KICS2: variants seen among roughly 807,000 people sequenced by gnomAD.
The protein encoded by KICS2 is KICSTOR subunit 2.
A neutral mutation model predicts 31.4 loss-of-function variants in KICS2; 13 were observed. The observed-to-expected ratio is 0.41, with a 90% CI of 0.27 to 0.66. The LOEUF is 0.66. Ranked by LOEUF, KICS2 falls within the 30% of genes least tolerant of loss-of-function variation. The probability of loss-of-function intolerance (pLI) is 0.28; values close to 1 mark genes in which losing one functional copy is unlikely to be tolerated. For missense variants in KICS2, 455 were observed against 545.4 expected (o/e 0.83, Z 1.65); for synonymous variants, 209 against 214.8 (o/e 0.97, Z 0.24).
rs1483984873 is a variant in KICS2, at chr12:64,222,080, G to T, written c.158C>A (p.Ser53Ter). The change falls in exon 1 of 3, where the codon TCG (serine) becomes TAG (stop). Residue 53 changes from serine to a stop codon, truncating the protein, a stop_gained. Transcript: ENST00000398055. LOFTEE classifies it high-confidence loss of function. ...ANKSAGGSWL[S>*]LLAALAHLAA... The stretch of plus-strand genomic sequence containing the variant: ...CAGGTGCGCCAAGGCCGCCAGCAGC[G>T]ACAGCCAGCTGCCCCCCGCGCTCTT... 6.2e-7 allele frequency: 1 copy of T among 1,613,964 alleles called. No homozygotes were observed. The highest frequency in any genetic ancestry group is 8.5e-7 in the Non-Finnish European group (1 of 1,179,942).
At position 64,193,822 on chromosome 12, in the gene KICS2, C is replaced by A; in HGVS notation, c.*20G>T. The A allele has an allele frequency of 4.4e-6, 7 of 1,596,260 alleles. No homozygotes were observed. The highest frequency in any genetic ancestry group is 6.0e-6 in the Non-Finnish European group (7 of 1,171,556). ...TAAGAACAGTTTCTAGTCTTGAAACCCCTCCACGCAAATCACCTGCTAACC... is the reference window on the plus strand; with the variant it reads ...TAAGAACAGTTTCTAGTCTTGAAACACCTCCACGCAAATCACCTGCTAACC... On this transcript the variant is annotated 3_prime_UTR_variant, in exon 3 of 3. Transcript: ENST00000398055.
Position 64,204,099 on chromosome 12 carries a change from C to T in KICS2, c.522-9441G>A, listed in dbSNP as rs552957540. 8.5e-5 allele frequency among the ~76,000 whole-genome samples: 13 copies of T among 152,328 alleles called. No homozygotes were observed. In the South Asian group the frequency reaches 2.7e-3, roughly 32 times the overall value. Reference sequence around the variant, plus strand: ...TAAGCCATTATCCTCAGCAAACTAACGTAGGAACAGAAAACTAAACACTGC... The same window carrying T: ...TAAGCCATTATCCTCAGCAAACTAATGTAGGAACAGAAAACTAAACACTGC... On this transcript the variant is annotated intron_variant, in intron 2 of 2. Coordinates refer to ENST00000398055, the MANE Select transcript of KICS2 (RefSeq NM_152440.5).
At position 64,221,815 on chromosome 12, in the gene KICS2, C is replaced by T. The variant is rs2037686165; in HGVS notation, c.235+188G>A. 5.8e-6 allele frequency: 4 copies of T among 684,982 alleles called. No individual in the cohort carries two copies. The East Asian group carries it at 8.2e-5, about 14-fold the overall frequency. The allele number at this position is 684,982 out of a possible 1,614,324, so 42.4% of individuals were successfully genotyped here. On this transcript the variant is annotated intron_variant, in intron 1 of 2. Coordinates refer to ENST00000398055, the MANE Select transcript of KICS2 (RefSeq NM_152440.5). Reference sequence around the variant, plus strand: ...ACCCAGTTCGCCAATCTATCAGCAGCGCAGGCCGGTGGGCGGGGCTTGTGG... The same window carrying T: ...ACCCAGTTCGCCAATCTATCAGCAGTGCAGGCCGGTGGGCGGGGCTTGTGG...
intron 1 of KICS2, among the ~76,000 whole-genome samples, chr12:64,216,813 T>C (rs745639104): frequency 2.0e-5 from 3 of 152,118 alleles, no homozygotes; most frequent in African/African-American, 4.8e-5. Flanking sequence ...TATTTCTAAT[T>C]ATGGAGCCAG....
intron 1 of KICS2, 170 bp from the exon 2 acceptor site, chr12:64,216,133 A>AATACTTTATGATTATC (rs1329456342): frequency 2.3e-5 from 4 of 175,946 alleles, no homozygotes; most frequent in African/African-American, 1.0e-4. Flanking sequence ...GATAATCATA[A>AATACTTTATGATTATC]ATACTTTATG....
chr12:64,187,535 A>G, downstream of KICS2: 1 of 1,099,432 alleles, frequency 9.1e-7, no homozygotes, highest in Non-Finnish European at 1.3e-6. Context: ...TATCAAGAGA[A>G]GTCTCCAAAG....
In KICS2 at chr12:64,191,492, T is replaced by C. The variant is rs2037378497; in HGVS notation, c.*2350A>G. ...GGTTCCACTGAAGTATATATTCTTCTAGGTATTTGGGGGACTGTGTCATTA... is the reference window on the plus strand; with the variant it reads ...GGTTCCACTGAAGTATATATTCTTCCAGGTATTTGGGGGACTGTGTCATTA... On this transcript the variant is annotated 3_prime_UTR_variant, in exon 3 of 3. Transcript: ENST00000398055. The C allele has an allele frequency of 6.6e-6, 1 of 152,192 alleles. No homozygotes were observed. The highest frequency in any genetic ancestry group is 1.5e-5 in the Non-Finnish European group (1 of 68,024). 9.4% of individuals were successfully genotyped at this position (152,192 alleles called of 1,614,324 possible).
intron 2 of KICS2, among the ~76,000 whole-genome samples, chr12:64,214,556 C>G (rs2037610869): frequency 6.6e-6 from 1 of 152,172 alleles, no homozygotes; most frequent in Admixed American, 6.5e-5. Context: ...TTCTTTCCTA[C>G]AGTTGCTTTC....
At chr12:64,201,199 C>T in intron 2 of KICS2, among the ~76,000 whole-genome samples, 1 of 147,666 alleles carries the variant, frequency 6.8e-6, no homozygotes, top group East Asian at 2.0e-4. Context: ...AGACTTGGAA[C>T]CAACCCGAAT....
At chr12:64,205,231 G>A (rs1317942906) in intron 2 of KICS2, among the ~76,000 whole-genome samples, 2 of 152,128 alleles carry the variant, frequency 1.3e-5, no homozygotes, top group Admixed American at 1.3e-4. Flanking sequence ...TAAATTCCCT[G>A]TCCAAACCTT....
intron 2 of KICS2, among the ~76,000 whole-genome samples, chr12:64,206,322 T>C (rs998040781): frequency 6.6e-6 from 1 of 152,218 alleles, no homozygotes; most frequent in Non-Finnish European, 1.5e-5. Flanking sequence ...ATAAATTTTA[T>C]GTTATGTATA....
intron 1 of KICS2, among the ~76,000 whole-genome samples, chr12:64,219,987 G>A (rs909758960): frequency 7.9e-5 from 12 of 152,158 alleles, no homozygotes; most frequent in South Asian, 2.1e-4. Context: ...TTGTGTAGTC[G>A]TATTGTAAGC....
At chr12:64,198,891 G>C (rs1009630284) in intron 2 of KICS2, among the ~76,000 whole-genome samples, 2 of 151,486 alleles carry the variant, frequency 1.3e-5, no homozygotes, top group African/African-American at 4.9e-5. Context: ...ACTCTCCCAA[G>C]ACTAAACCAG....
At chr12:64,206,341 T>A (rs184013740) in intron 2 of KICS2, among the ~76,000 whole-genome samples, 15 of 152,342 alleles carry the variant, frequency 9.8e-5, no homozygotes, top group Non-Finnish European at 2.1e-4. Flanking sequence ...TATTTTACCA[T>A]GACAAAACAA....
intron 2 of KICS2, among the ~76,000 whole-genome samples, chr12:64,214,938 A>C (rs2136705573): frequency 6.6e-6 from 1 of 152,286 alleles, no homozygotes; most frequent in East Asian, 1.9e-4. Flanking sequence ...GGCTTGTTCA[A>C]AGGAACAAGC....
intron 2 of KICS2, among the ~76,000 whole-genome samples, chr12:64,209,608 T>C (rs1382275819): frequency 6.6e-6 from 1 of 152,040 alleles, no homozygotes. Context: ...AAGTTATAAA[T>C]TTACCAAAAA....
chr12:64,205,308 T>A (rs2037526353), intron 2 of KICS2, among the ~76,000 whole-genome samples: 1 of 152,168 alleles, frequency 6.6e-6, no homozygotes, highest in Non-Finnish European at 1.5e-5. Context: ...CAACACTTAT[T>A]AAAGATAAAT....
At chr12:64,189,406 C>A (rs974023183), downstream of KICS2, among the ~76,000 whole-genome samples, 1 of 152,070 alleles carries the variant, frequency 6.6e-6, no homozygotes, top group Non-Finnish European at 1.5e-5. Flanking sequence ...AACACCACTA[C>A]ACAAAGAAAA....
Position 64,192,317 on chromosome 12 carries a change from G to T in KICS2, c.*1525C>A, listed in dbSNP as rs746608923. ...CTTTTGTATTTTTAGTAGAGATGGG[G>T]TTTCACCATGTTGGCCACGCTGATC... On this transcript the variant is annotated 3_prime_UTR_variant, in exon 3 of 3. Transcript: ENST00000398055. The T allele has an allele frequency of 1.3e-5, 2 of 152,246 alleles. No homozygotes were observed. The highest frequency in any genetic ancestry group is 2.9e-5 in the Non-Finnish European group (2 of 68,184). 9.4% of individuals were successfully genotyped at this position (152,246 alleles called of 1,614,324 possible). A position where few individuals can be genotyped will look rare whatever the true frequency, so the allele number is the denominator to read the frequency against.
Sources: allele counts gnomAD v4.1 joint callset (sites outside exome capture counted in the v4.1 genomes callset), GRCh38; gene constraint gnomAD v4.1.1; transcripts MANE v1.5; gene names NCBI Gene and HGNC (gene_info 2026-07-23, HGNC 2026-07-21).